The following SRGAP2 variants were observed in gnomAD, a reference collection of about 807,000 sequenced individuals.
SRGAP2 encodes the protein SLIT-ROBO Rho GTPase-activating protein 2.
Under a neutral mutation model 57.2 loss-of-function variants are expected in SRGAP2, and 15 were observed. That is an observed-to-expected ratio of 0.26 (90% CI 0.18 to 0.40). SRGAP2 has a LOEUF of 0.40. SRGAP2 is among the 10% of genes least tolerant of loss of function. SRGAP2 has a pLI of 1.00. For missense variants in SRGAP2, 520 were observed against 669.6 expected (o/e 0.78, Z 2.47); for synonymous variants, 249 against 248.0 (o/e 1.00, Z -0.04).
chr1:206,326,802 A>G (rs558352837), intron 3 of SRGAP2, among the ~76,000 whole-genome samples: 44 of 152,326 alleles, frequency 2.9e-4, no homozygotes, highest in African/African-American at 1.0e-3. Flanking sequence ...TCTCAGCTGC[A>G]TTAGGCACAG....
Position 206,377,547 on chromosome 1 carries a change from T to C in SRGAP2, c.424-6467T>C, listed in dbSNP as rs1316059443. Among the ~76,000 whole-genome samples the C allele has an allele frequency of 9.0e-3, 570 of 63,110 alleles. 17 individuals carry two copies. The highest frequency in any genetic ancestry group is 0.039 in the African/African-American group (541 of 13,890). 41.4% of individuals were successfully genotyped at this position (63,110 alleles called of 152,430 possible). ...AGCTTGCTGTGGAATTAGGTTATGGTGTGGAAACCTCTTGGCTGGGACAGG... is the reference window on the plus strand; with the variant it reads ...AGCTTGCTGTGGAATTAGGTTATGGCGTGGAAACCTCTTGGCTGGGACAGG... On this transcript the variant is annotated intron_variant, in intron 4 of 22. Coordinates refer to ENST00000573034, the MANE Select transcript of SRGAP2 (RefSeq NM_015326.5).
At position 206,255,316 on chromosome 1, in the gene SRGAP2, A is replaced by C. The variant is rs116423349; in HGVS notation, c.68-47965A>C. On this transcript the variant is annotated intron_variant, in intron 2 of 22. Coordinates refer to ENST00000573034, the MANE Select transcript of SRGAP2 (RefSeq NM_015326.5). ...TGGGGGGTTGTAGTGCACTTTTGAC[A>C]CAGTGTGTACCTGGCTGACTACTTC... 7.0e-3 allele frequency among the ~76,000 whole-genome samples: 1,049 copies of C among 150,650 alleles called. 15 individuals are homozygous for C. The highest frequency in any genetic ancestry group is 0.025 in the African/African-American group (1,016 of 40,844).
intron 10 of SRGAP2, among the ~76,000 whole-genome samples, chr1:206,412,315 T>C (rs1407901845): frequency 6.6e-6 from 1 of 152,248 alleles, no homozygotes; most frequent in Admixed American, 6.5e-5. Context: ...AAATGCCCAA[T>C]AGACTCTTTG....
intron 4 of SRGAP2, among the ~76,000 whole-genome samples, chr1:206,357,395 T>G (rs1676519436): frequency 6.6e-6 from 1 of 151,556 alleles, no homozygotes; most frequent in Non-Finnish European, 1.5e-5. Context: ...TACACATTTT[T>G]TTAAAAATGA....
intron 2 of SRGAP2, among the ~76,000 whole-genome samples, chr1:206,240,416 G>A (rs1352105648): frequency 1.7e-3 from 260 of 152,198 alleles, no homozygotes; most frequent in African/African-American, 5.7e-3. Flanking sequence ...TGCTGTACTC[G>A]TCACTATGGA....
chr1:206,341,113 TC>T (rs1431450718), intron 3 of SRGAP2, among the ~76,000 whole-genome samples: 1 of 152,250 alleles, frequency 6.6e-6, no homozygotes, highest in Non-Finnish European at 1.5e-5. Context: ...TATTCTGAAG[TC>T]CAAGTAAGTA....
chr1:206,381,555 C>G (rs1342791918), intron 4 of SRGAP2, among the ~76,000 whole-genome samples: 1 of 18,852 alleles, frequency 5.3e-5, no homozygotes, highest in African/African-American at 2.3e-4. Flanking sequence ...GGCATTCCCT[C>G]TTGTGGCTTC....
At chr1:206,291,316 G>A (rs1671306752) in intron 2 of SRGAP2, among the ~76,000 whole-genome samples, 4 of 152,154 alleles carry the variant, frequency 2.6e-5, no homozygotes, top group South Asian at 2.1e-4. Context: ...GTGGTCCCTC[G>A]TTGTGAAATG....
Position 206,461,627 on chromosome 1 carries a change from C to T in SRGAP2, c.*207C>T, listed in dbSNP as rs1186289501. On this transcript the variant is annotated 3_prime_UTR_variant, in exon 23 of 23. Coordinates refer to ENST00000573034, the MANE Select transcript of SRGAP2 (RefSeq NM_015326.5). ...CCCACTGCCCTCTGCTTCCCCCAGT[C>T]GTCGTAATTCAGCCAGCTGCAGTCC... The T allele has an allele frequency of 1.4e-5, 8 of 560,158 alleles. No individual in the cohort carries two copies. The highest frequency in any genetic ancestry group is 3.8e-5 in the African/African-American group (2 of 53,322). The allele number at this position is 560,158 out of a possible 1,614,324, so 34.7% of individuals were successfully genotyped here. A position where few individuals can be genotyped will look rare whatever the true frequency, so the allele number is the denominator to read the frequency against.
rs1271589056 is a variant in SRGAP2 at position 206,224,241 on chromosome 1, A to G, written c.67+18204A>G. Among the ~76,000 whole-genome samples the G allele has an allele frequency of 2.6e-5, 4 of 152,142 alleles. No homozygotes were observed. In the East Asian group the frequency reaches 7.7e-4, roughly 29 times the overall value. On this transcript the variant is annotated intron_variant, in intron 2 of 22. Coordinates refer to ENST00000573034, the MANE Select transcript of SRGAP2 (RefSeq NM_015326.5). ...GCAGCGAGGGAAGTGCATGTTTTTC[A>G]AAGGGAAAGGAATGTGTTATTTTGC...
At position 206,464,305 on chromosome 1, in the gene SRGAP2, G is replaced by C. The variant is rs539435058; in HGVS notation, c.*2885G>C. 1 of 152,756 alleles carries C rather than the reference G, an allele frequency of 6.5e-6. No homozygotes were observed. Among genetic ancestry groups the C allele is most frequent in the East Asian group, 1.9e-4 (1 of 5,184 alleles). The allele number at this position is 152,756 out of a possible 1,614,324, so 9.5% of individuals were successfully genotyped here. On this transcript the variant is annotated 3_prime_UTR_variant, in exon 23 of 23. Transcript: ENST00000573034. ...GTAAAATGGTATATTCTTTAAAATA[G>C]TGTTGATAACTGGAATATTGTATGT... is the stretch of plus-strand genomic sequence containing the variant.
intron 18 of SRGAP2, among the ~76,000 whole-genome samples, 152 bp downstream of exon 18, chr1:206,446,451 C>T (rs927281058): frequency 6.6e-6 from 1 of 152,298 alleles, no homozygotes; most frequent in South Asian, 2.1e-4. Context: ...TATAGGCAGC[C>T]CCCACCTCGG....
chr1:206,445,362 G>A (rs1024266452), intron 17 of SRGAP2, among the ~76,000 whole-genome samples: 3 of 152,306 alleles, frequency 2.0e-5, no homozygotes, highest in East Asian at 1.9e-4. Flanking sequence ...ATAAATACCC[G>A]AGAATGAAGT....
At chr1:206,255,537 G>A (rs1669133146) in intron 2 of SRGAP2, among the ~76,000 whole-genome samples, 1 of 139,704 alleles carries the variant, frequency 7.2e-6, no homozygotes, top group Non-Finnish European at 1.6e-5. Flanking sequence ...TTATAAAGAG[G>A]CTTGGCAGCA....
intron 21 of SRGAP2, among the ~76,000 whole-genome samples, chr1:206,456,820 C>T (rs1200628487): frequency 6.6e-6 from 1 of 152,116 alleles, no homozygotes; most frequent in Non-Finnish European, 1.5e-5. Flanking sequence ...ACTCCTCCTC[C>T]CAAATTCCTT....
intron 10 of SRGAP2, among the ~76,000 whole-genome samples, chr1:206,414,959 TTGTCGTAATGGTTAAGAGCACATGCTGTA>T: frequency 6.6e-6 from 1 of 152,360 alleles, no homozygotes; most frequent in African/African-American, 2.4e-5. Flanking sequence ...ATGGGGCATT[TTGTCGTAATGGTTAAGAGCACATGCTGTA>T]TTGTCAAACT....
chr1:206,452,105 A>G (rs781859613), intron 19 of SRGAP2, among the ~76,000 whole-genome samples: 3 of 152,188 alleles, frequency 2.0e-5, no homozygotes, highest in Non-Finnish European at 4.4e-5. Context: ...ACCACTTACT[A>G]TGGGCGGGAC....
chr1:206,260,666 A>G (rs61815474), intron 2 of SRGAP2, among the ~76,000 whole-genome samples: 62,868 of 152,034 alleles, frequency 0.41, 13,382 homozygotes, highest in East Asian at 0.72. Flanking sequence ...AAGCTTTCTC[A>G]TTCGTATATC....
chr1:206,333,487 G>C, intron 3 of SRGAP2: 1 of 1,497,440 alleles, frequency 6.7e-7, no homozygotes, highest in Non-Finnish European at 9.3e-7. Flanking sequence ...AAGGTCTCTG[G>C]TGCGGGCGGC....
Sources: gnomAD v4.1 joint callset for allele counts (sites outside exome capture counted in the v4.1 genomes callset) on GRCh38, gnomAD v4.1.1 for gene constraint, MANE v1.5 for transcripts, NCBI Gene and HGNC (gene_info 2026-07-23, HGNC 2026-07-21) for gene names.